MYSM1: variants seen among roughly 807,000 people sequenced by gnomAD.
MYSM1 encodes the protein deubiquitinase MYSM1.
In MYSM1, 51 loss-of-function variants were observed where a neutral mutation model predicts 116.0. That is an observed-to-expected ratio of 0.44 (90% CI 0.35 to 0.56). The LOEUF is 0.56. Among genes scored for constraint, MYSM1 ranks in the 20% least tolerant of loss-of-function variants. The pLI, the probability that MYSM1 is intolerant of heterozygous loss-of-function variation, is 0.00. For synonymous variants in MYSM1, 313 were observed against 315.2 expected (o/e 0.99, Z 0.07); for missense variants, 900 against 974.9 (o/e 0.92, Z 1.02).
Position 58,689,202 on chromosome 1 carries a change from G to A in MYSM1, c.321-86C>T, listed in dbSNP as rs760841780. ...TAACTAAAGGTTATAGATAGCCATG[G>A]GCTAAATTCAATACTTTGAGTCTAG... is the stretch of plus-strand genomic sequence containing the variant. On this transcript the variant is annotated intron_variant, in intron 5 of 19. Transcript: ENST00000472487. 95 of 965,184 alleles carry A rather than the reference G, an allele frequency of 9.8e-5. 1 individual carries two copies. Among genetic ancestry groups the A allele is most frequent in the Non-Finnish European group, 1.2e-4 (80 of 642,562 alleles). 59.8% of individuals were successfully genotyped at this position (965,184 alleles called of 1,614,324 possible).
In MYSM1 at chr1:58,657,195, A is replaced by C. The variant is rs1644329749; in HGVS notation, c.*2802T>G. 1 of 151,918 alleles carries C rather than the reference A, an allele frequency of 6.6e-6. No individual in the cohort carries two copies. Among genetic ancestry groups the C allele is most frequent in the African/African-American group, 2.4e-5 (1 of 41,336 alleles). The allele number at this position is 151,918 out of a possible 1,614,324, so 9.4% of individuals were successfully genotyped here. On this transcript the variant is annotated 3_prime_UTR_variant, in exon 20 of 20. Coordinates refer to ENST00000472487, the MANE Select transcript of MYSM1 (RefSeq NM_001085487.3). Reference sequence around the variant, plus strand: ...GTTACTTTGGAATTAGATTAAGTCTAATACTGGGGAAGCGCTAGTGTCGAT... The same window carrying C: ...GTTACTTTGGAATTAGATTAAGTCTCATACTGGGGAAGCGCTAGTGTCGAT...
chr1:58,680,308 C>G (rs1377662148), intron 8 of MYSM1, among the ~76,000 whole-genome samples: 1 of 152,162 alleles, frequency 6.6e-6, no homozygotes. Flanking sequence ...CTAAACCTCT[C>G]CTGATCTCAG....
intron 8 of MYSM1, among the ~76,000 whole-genome samples, chr1:58,679,125 T>C (rs1644700414): frequency 6.6e-6 from 1 of 152,206 alleles, no homozygotes; most frequent in Admixed American, 6.5e-5. Flanking sequence ...AATCTTTATC[T>C]ATAAACAAAT....
At position 58,679,611 on chromosome 1, in the gene MYSM1, ACCGCG is replaced by A. The variant is rs887222332; in HGVS notation, c.1259+2169_1259+2173del. On this transcript the variant is annotated intron_variant, in intron 8 of 19. Transcript: ENST00000472487. Reference sequence around the variant, plus strand: ...GTAGCTACAACTACAGGCACACAACACCGCGCCTAAGTTTTAAAAAAATTTTTTGT... The same window carrying A: ...GTAGCTACAACTACAGGCACACAACACCTAAGTTTTAAAAAAATTTTTTGT... Among the ~76,000 whole-genome samples, 45 of 152,080 alleles carry A rather than the reference ACCGCG, an allele frequency of 3.0e-4. 1 individual carries two copies. Among genetic ancestry groups the A allele is most frequent in the Admixed American group, 2.3e-3 (35 of 15,280 alleles).
At chr1:58,668,187 T>C (rs866512082) in intron 14 of MYSM1, among the ~76,000 whole-genome samples, 4 of 152,204 alleles carry the variant, frequency 2.6e-5, no homozygotes, top group Admixed American at 6.5e-5. Flanking sequence ...GAAGATACCA[T>C]TTACTCTCCC....
intron 7 of MYSM1, among the ~76,000 whole-genome samples, chr1:58,683,189 G>GA (rs1291668638): frequency 2.0e-5 from 3 of 152,068 alleles, no homozygotes; most frequent in Non-Finnish European, 4.4e-5. Context: ...ATATTAAGTT[G>GA]AAAACAGCAG....
chr1:58,678,993 A>G (rs1644697409), intron 8 of MYSM1, among the ~76,000 whole-genome samples: 1 of 152,164 alleles, frequency 6.6e-6, no homozygotes, highest in South Asian at 2.1e-4. Context: ...TGTCAAAAGG[A>G]TTGGAGATGA....
Position 58,685,268 on chromosome 1 carries a change from G to GAA in MYSM1, c.400-18_400-17insTT. ...AAATTTAGCCTGTATTATTAAAATGGGAAAAAAAATTGCTTTTGATGAATT... is the reference window on the plus strand; with the variant it reads ...AAATTTAGCCTGTATTATTAAAATGGAAGAAAAAAAATTGCTTTTGATGAATT... On this transcript the variant is annotated splice_polypyrimidine_tract_variant and intron_variant, in intron 6 of 19. Coordinates refer to ENST00000472487, the MANE Select transcript of MYSM1 (RefSeq NM_001085487.3). 2.0e-6 allele frequency: 3 copies of GAA among 1,525,118 alleles called. No individual in the cohort carries two copies. Among genetic ancestry groups the GAA allele is most frequent in the Admixed American group, 2.0e-5 (1 of 51,024 alleles). 94.5% of individuals were successfully genotyped at this position (1,525,118 alleles called of 1,614,324 possible). A position where few individuals can be genotyped will look rare whatever the true frequency, so the allele number is the denominator to read the frequency against.
chr1:58,681,714 G>A, intron 8 of MYSM1, 71 bp downstream of exon 8: 3 of 1,399,820 alleles, frequency 2.1e-6, no homozygotes, highest in Non-Finnish European at 2.9e-6. Flanking sequence ...TCTAAATTCT[G>A]TATAGGCCTA....
chr1:58,660,270 C>T (rs377232531), intron 19 of MYSM1, 115 bp from the exon 20 acceptor site: 192 of 569,650 alleles, frequency 3.4e-4, no homozygotes, highest in African/African-American at 3.2e-3. Flanking sequence ...AAATGAGAAA[C>T]ACTCTCCTTA....
At chr1:58,699,307 G>A (rs1008169197) in intron 1 of MYSM1, among the ~76,000 whole-genome samples, 1 of 152,154 alleles carries the variant, frequency 6.6e-6, no homozygotes, top group Non-Finnish European at 1.5e-5. Flanking sequence ...CATTCAGAGG[G>A]CACCTACCGT....
At chr1:58,692,032 G>A (rs1249536310) in intron 3 of MYSM1, among the ~76,000 whole-genome samples, 1 of 151,976 alleles carries the variant, frequency 6.6e-6, no homozygotes, top group African/African-American at 2.4e-5. Context: ...TGTTAAATGA[G>A]GATATCGGAA....
intron 8 of MYSM1, 144 bp from the exon 9 acceptor site, chr1:58,677,200 A>G (rs1349345301): frequency 3.7e-6 from 2 of 547,330 alleles, no homozygotes; most frequent in Non-Finnish European, 6.1e-6. Flanking sequence ...ATACTAATAC[A>G]TAATACCCAT....
intron 3 of MYSM1, 55 bp from the exon 4 acceptor site, chr1:58,690,472 C>T (rs1569795842): frequency 3.2e-6 from 4 of 1,240,714 alleles, no homozygotes; most frequent in Middle Eastern, 2.0e-4. Context: ...GTAATTTTTA[C>T]ATTACTTATA....
At chr1:58,690,171 C>T in intron 5 of MYSM1, 55 bp downstream of exon 5, 2 of 1,347,244 alleles carry the variant, frequency 1.5e-6, no homozygotes, top group Non-Finnish European at 2.0e-6. Flanking sequence ...AAAAATTATT[C>T]CATAATTTTT....
At chr1:58,693,022 T>C (rs1644924282) in intron 2 of MYSM1, 91 bp from the exon 3 acceptor site, 2 of 1,014,396 alleles carry the variant, frequency 2.0e-6, no homozygotes, top group African/African-American at 1.6e-5. Flanking sequence ...GTTATAATGA[T>C]TATAAATGAC....
intron 14 of MYSM1, 111 bp downstream of exon 14, chr1:58,668,521 G>A: frequency 7.1e-7 from 1 of 1,403,120 alleles, no homozygotes; most frequent in Non-Finnish European, 9.3e-7. Context: ...TGTAAAAGAG[G>A]ACAGTTAAGA....
chr1:58,686,022 C>T (rs1402433569), intron 6 of MYSM1, among the ~76,000 whole-genome samples: 2 of 152,154 alleles, frequency 1.3e-5, no homozygotes, highest in Non-Finnish European at 2.9e-5. Context: ...ACCTCCTAGG[C>T]TTAAGCAATC....
intron 3 of MYSM1, among the ~76,000 whole-genome samples, chr1:58,691,134 GC>G (rs1432432913): frequency 3.9e-5 from 6 of 152,046 alleles, no homozygotes; most frequent in South Asian, 4.2e-4. Flanking sequence ...GAAAAAATTA[GC>G]CAGGCGTGGT....
Sources: allele counts gnomAD v4.1 joint callset (sites outside exome capture counted in the v4.1 genomes callset), GRCh38; gene constraint gnomAD v4.1.1; transcripts MANE v1.5; gene names NCBI Gene and HGNC (gene_info 2026-07-23, HGNC 2026-07-21).